Variants in CTDP1 observed in about 807,000 individuals in gnomAD.
The protein encoded by CTDP1 is CTD phosphatase 1.
In CTDP1, 47 loss-of-function variants were observed where a neutral mutation model predicts 91.8. The ratio of observed to expected loss-of-function variants is 0.51; its 90% confidence interval spans 0.41 to 0.65. The LOEUF (loss-of-function observed/expected upper bound fraction) is 0.65, where lower values mean the gene tolerates loss of function less well. CTDP1 is among the 30% of genes least tolerant of loss of function. CTDP1 has a pLI of 0.00. For missense variants in CTDP1, 1,272 were observed against 1,373.7 expected (o/e 0.93, Z 1.17); for synonymous variants, 656 against 598.5 (o/e 1.10, Z -1.40).
intron 4 of CTDP1, among the ~76,000 whole-genome samples, chr18:79,704,059 G>A (rs1282026201): frequency 6.6e-6 from 1 of 152,178 alleles, no homozygotes; most frequent in East Asian, 1.9e-4. Flanking sequence ...ATCTTGAACA[G>A]TTGTTGCAGG....
intron 10 of CTDP1, among the ~76,000 whole-genome samples, chr18:79,727,652 G>A (rs2086478502): frequency 6.6e-6 from 1 of 152,212 alleles, no homozygotes; most frequent in Non-Finnish European, 1.5e-5. Flanking sequence ...TTAGTAAATA[G>A]CCTAACATGG....
upstream of CTDP1, chr18:79,679,185 C>T (rs113540943): frequency 4.6e-5 from 15 of 328,534 alleles, no homozygotes; most frequent in Non-Finnish European, 8.4e-5. Context: ...CCACCGCCTG[C>T]GCGGGCCGAG....
intron 12 of CTDP1, among the ~76,000 whole-genome samples, chr18:79,744,795 G>C (rs1255325644): frequency 6.6e-6 from 1 of 152,192 alleles, no homozygotes; most frequent in Non-Finnish European, 1.5e-5. Context: ...CCGCCACTCA[G>C]TCATGGGGGG....
intron 12 of CTDP1, 53 bp downstream of exon 12, chr18:79,736,574 C>A: frequency 6.8e-7 from 1 of 1,469,750 alleles, no homozygotes; most frequent in South Asian, 1.3e-5. Context: ...CCGGAGGTGA[C>A]TCTGCAGTTG....
At chr18:79,709,507 A>G (rs1335773403) in intron 5 of CTDP1, among the ~76,000 whole-genome samples, 1 of 152,254 alleles carries the variant, frequency 6.6e-6, no homozygotes, top group Admixed American at 6.5e-5. Flanking sequence ...ACTATCTTTA[A>G]GGAGTCGAAG....
chr18:79,717,259 A>T (rs1176366942), intron 8 of CTDP1, among the ~76,000 whole-genome samples: 1 of 144,338 alleles, frequency 6.9e-6, no homozygotes, highest in Non-Finnish European at 1.5e-5. Context: ...GGTGGGGTAC[A>T]GCTGGGTGAA....
intron 1 of CTDP1, among the ~76,000 whole-genome samples, chr18:79,680,513 G>C (rs1220045309): frequency 6.6e-6 from 1 of 152,238 alleles, no homozygotes; most frequent in Admixed American, 6.5e-5. Flanking sequence ...GAAAAGCTAT[G>C]TTTGTTTCTT....
At chr18:79,683,933 C>T (rs1350718415) in intron 1 of CTDP1, among the ~76,000 whole-genome samples, 2 of 152,242 alleles carry the variant, frequency 1.3e-5, no homozygotes, top group African/African-American at 4.8e-5. Context: ...GGTGCCTACC[C>T]ACTGTTGTTC....
intron 4 of CTDP1, among the ~76,000 whole-genome samples, chr18:79,704,443 CGTGT>C (rs1028410764): frequency 1.3e-5 from 2 of 150,356 alleles, no homozygotes; most frequent in African/African-American, 4.9e-5. Flanking sequence ...TGTGGAGGGG[CGTGT>C]ACACGCACAC....
chr18:79,711,112 A>G (rs1452641382), intron 6 of CTDP1, among the ~76,000 whole-genome samples: 1 of 151,966 alleles, frequency 6.6e-6, no homozygotes, highest in Non-Finnish European at 1.5e-5. Flanking sequence ...CGTCTCTGTT[A>G]GACAGCACAA....
At chr18:79,677,161 T>C (rs374410369), upstream of CTDP1, 3 of 152,382 alleles carry the variant, frequency 2.0e-5, no homozygotes, top group East Asian at 3.9e-4. Flanking sequence ...TCAACAACCT[T>C]TGAGACAAAC....
At chr18:79,729,109 G>A (rs374052888) in intron 11 of CTDP1, 40 bp downstream of exon 11, 41 of 1,610,928 alleles carry the variant, frequency 2.5e-5, no homozygotes, top group Middle Eastern at 2.2e-4. Flanking sequence ...GCCAGCGCTC[G>A]TGCTGGGGCC....
At chr18:79,718,316 G>T (rs2122659362) in intron 10 of CTDP1, among the ~76,000 whole-genome samples, 1 of 152,342 alleles carries the variant, frequency 6.6e-6, no homozygotes, top group East Asian at 1.9e-4. Context: ...TCGGTCCTGG[G>T]AACACTCAGC....
intron 11 of CTDP1, among the ~76,000 whole-genome samples, chr18:79,732,577 A>G (rs2086588006): frequency 6.8e-6 from 1 of 147,268 alleles, no homozygotes; most frequent in Non-Finnish European, 1.5e-5. Context: ...GAGAACTCAC[A>G]TCAGGAGTGC....
intron 12 of CTDP1, among the ~76,000 whole-genome samples, chr18:79,747,683 G>A (rs930560139): frequency 4.6e-5 from 7 of 152,242 alleles, no homozygotes; most frequent in Non-Finnish European, 7.3e-5. Flanking sequence ...TCCGCCATGC[G>A]CAGCGCCTCC....
intron 12 of CTDP1, among the ~76,000 whole-genome samples, chr18:79,744,474 G>A (rs996649651): frequency 3.3e-5 from 5 of 152,194 alleles, no homozygotes; most frequent in Admixed American, 6.5e-5. Context: ...GCAGAGTGGC[G>A]GTGTGAACGT....
chr18:79,711,261 C>A (rs760561592), intron 6 of CTDP1, among the ~76,000 whole-genome samples: 1 of 152,226 alleles, frequency 6.6e-6, no homozygotes, highest in Non-Finnish European at 1.5e-5. Context: ...CATATGTGAT[C>A]ATTCTAGTCC....
At chr18:79,716,674 G>A (rs1170862761) in intron 8 of CTDP1, among the ~76,000 whole-genome samples, 2 of 152,230 alleles carry the variant, frequency 1.3e-5, no homozygotes. Flanking sequence ...CCAGGCCAGG[G>A]TCCTCCTTGG....
intron 3 of CTDP1, among the ~76,000 whole-genome samples, chr18:79,696,360 G>T (rs2122496660): frequency 6.6e-6 from 1 of 152,360 alleles, no homozygotes; most frequent in Non-Finnish European, 1.5e-5. Flanking sequence ...GAACAGCCAG[G>T]CTCAGCCTGG....
Sources: gnomAD v4.1 joint callset for allele counts (sites outside exome capture counted in the v4.1 genomes callset) on GRCh38, gnomAD v4.1.1 for gene constraint, MANE v1.5 for transcripts, NCBI Gene and HGNC (gene_info 2026-07-23, HGNC 2026-07-21) for gene names.